ZNF81: variants seen among roughly 807,000 people sequenced by gnomAD.
The protein encoded by ZNF81 is zinc finger protein 81.
In ZNF81, 5 loss-of-function variants were observed where a neutral mutation model predicts 32.3. The observed-to-expected ratio is 0.15, with a 90% CI of 0.08 to 0.33. The LOEUF (loss-of-function observed/expected upper bound fraction) is 0.33, where lower values mean the gene tolerates loss of function less well. Ranked by LOEUF, ZNF81 falls within the 10% of genes least tolerant of loss-of-function variation. The probability of loss-of-function intolerance (pLI) is 1.00; values close to 1 mark genes in which losing one functional copy is unlikely to be tolerated. For missense variants in ZNF81, 379 were observed against 479.8 expected (o/e 0.79, Z 1.96); for synonymous variants, 163 against 166.8 (o/e 0.98, Z 0.17).
intron 4 of ZNF81, among the ~76,000 whole-genome samples, chrX:47,904,587 A>G (rs1243950891): frequency 9.0e-6 from 1 of 111,071 alleles, no homozygotes; most frequent in African/African-American, 3.3e-5. Flanking sequence ...GGATATGGAG[A>G]AATAGGAACA....
chrX:47,863,782 C>CT (rs2058550085), intron 2 of ZNF81, among the ~76,000 whole-genome samples: 1 of 112,016 alleles, frequency 8.9e-6, no homozygotes, highest in African/African-American at 3.2e-5. Flanking sequence ...AACTTATTTG[C>CT]TATGTTGTAG....
rs2058758407 is a variant in ZNF81 at position 47,916,690 on chromosome X, A to G, written c.*58A>G. 2 of 1,087,130 alleles carry G rather than the reference A, an allele frequency of 1.8e-6. No homozygotes were observed. The allele number at this position is 1,087,130 out of a possible 1,213,427, so 89.6% of individuals were successfully genotyped here. A position where few individuals can be genotyped will look rare whatever the true frequency, so the allele number is the denominator to read the frequency against. ...ATAAGGCTGACAAAAGTCAGGTCTA[A>G]CTATATATTATAAAATTCATCCAAG... On this transcript the variant is annotated 3_prime_UTR_variant, in exon 5 of 5. Coordinates refer to ENST00000338637, the MANE Select transcript of ZNF81 (RefSeq NM_007137.5).
rs1556890643 is a variant in ZNF81, at chrX:47,915,720, T to C, written c.1074T>C (p.Tyr358=). 1 of 1,211,102 alleles carries C rather than the reference T, an allele frequency of 8.3e-7. No individual in the cohort carries two copies. ...HEKTHTREKP[Y]KCNECGKSFF... ...AAACTCATACTAGAGAGAAACCCTA[T>C]AAATGCAATGAATGTGGGAAATCAT... Residue 358 remains tyrosine (Y), a synonymous_variant, in exon 5 of 5, where the codon TAT becomes TAC. Coordinates refer to ENST00000338637, the MANE Select transcript of ZNF81 (RefSeq NM_007137.5).
chrX:47,876,914 T>C (rs1277712426), intron 2 of ZNF81, among the ~76,000 whole-genome samples: 2 of 112,239 alleles, frequency 1.8e-5, no homozygotes, highest in African/African-American at 6.5e-5. Context: ...CTCTCTCCTT[T>C]TTGTTGGACC....
rs199990232 is a variant in ZNF81, at chrX:47,915,248, A to T, written c.602A>T (p.His201Leu). Reference protein sequence around the residue: ...KRDSFGKSFKHNLDLHIHNKS... With the variant: ...KRDSFGKSFKLNLDLHIHNKS... ...GATTCATTTGGGAAGAGTTTTAAGC[A>T]TAATTTAGACTTACATATTCATAAT... Residue 201 changes from histidine to leucine, a missense_variant, in exon 5 of 5, where the codon CAT becomes CTT. Physicochemically the swap from His to Leu is moderately conservative, Grantham distance 99. Coordinates refer to ENST00000338637, the MANE Select transcript of ZNF81 (RefSeq NM_007137.5). The T allele has an allele frequency of 7.1e-4, 855 of 1,209,621 alleles. 2 individuals are homozygous for T. The highest frequency in any genetic ancestry group is 9.6e-4 in the Admixed American group (44 of 45,659).
chrX:47,889,756 C>T (rs1556886277), intron 3 of ZNF81, among the ~76,000 whole-genome samples: 2 of 111,469 alleles, frequency 1.8e-5, no homozygotes, highest in African/African-American at 3.3e-5. Context: ...CCAATCATGG[C>T]GGAAGGCAAA....
At position 47,915,248 on chromosome X, in the gene ZNF81, A is replaced by G. The variant is rs199990232; in HGVS notation, c.602A>G (p.His201Arg). ...GATTCATTTGGGAAGAGTTTTAAGC[A>G]TAATTTAGACTTACATATTCATAAT... ...KRDSFGKSFK[H>R]NLDLHIHNKS... is the part of the protein sequence containing the mutation. Residue 201 changes from histidine (H) to arginine (R), a missense_variant, in exon 5 of 5, where the codon CAT becomes CGT. Transcript: ENST00000338637. 1.7e-6 allele frequency: 2 copies of G among 1,211,281 alleles called. No homozygotes were observed. Among genetic ancestry groups the G allele is most frequent in the Non-Finnish European group, 2.2e-6 (2 of 895,163 alleles).
In ZNF81 at chrX:47,923,794, G is replaced by T. The variant is rs1462437088; in HGVS notation, c.*7162G>T. On this transcript the variant is annotated 3_prime_UTR_variant, in exon 5 of 5. Coordinates refer to ENST00000338637, the MANE Select transcript of ZNF81 (RefSeq NM_007137.5). Reference sequence around the variant, plus strand: ...ATTACATGAGATTTGGAAGGTCAAAGGGAAGGAGCAACTATTGCTGTGAAA... The same window carrying T: ...ATTACATGAGATTTGGAAGGTCAAATGGAAGGAGCAACTATTGCTGTGAAA... Among the ~76,000 whole-genome samples, 2 of 112,007 alleles carry T rather than the reference G, an allele frequency of 1.8e-5. No individual in the cohort carries two copies. Among genetic ancestry groups the T allele is most frequent in the Non-Finnish European group, 3.8e-5 (2 of 53,190 alleles).
At chrX:47,904,170 A>C (rs1257469255) in intron 4 of ZNF81, among the ~76,000 whole-genome samples, 4 of 112,249 alleles carry the variant, frequency 3.6e-5, no homozygotes, top group Admixed American at 9.4e-5. Context: ...TCATGTCTAA[A>C]ACACCAAAAG....
intron 2 of ZNF81, among the ~76,000 whole-genome samples, chrX:47,856,828 C>T (rs1201019574): frequency 9.0e-6 from 1 of 111,253 alleles, no homozygotes; most frequent in Admixed American, 9.6e-5. Context: ...CCCAGCTACT[C>T]GGGAGGCTGA....
Position 47,855,515 on chromosome X carries a change from T to C in ZNF81, c.54+9194T>C, listed in dbSNP as rs2058513176. Among the ~76,000 whole-genome samples, 3 of 111,874 alleles carry C rather than the reference T, an allele frequency of 2.7e-5. No homozygotes were observed. In the South Asian group the frequency reaches 1.1e-3, roughly 41 times the overall value. On this transcript the variant is annotated intron_variant, in intron 2 of 4. Transcript: ENST00000338637. Reference sequence around the variant, plus strand: ...TTCCATTGAGCTAATAGTCATAATCTTTATTATTCTAATTCCTCTATATTT... The same window carrying C: ...TTCCATTGAGCTAATAGTCATAATCCTTATTATTCTAATTCCTCTATATTT...
chrX:47,900,289 A>C (rs2058694021), intron 4 of ZNF81, among the ~76,000 whole-genome samples: 1 of 111,398 alleles, frequency 9.0e-6, no homozygotes, highest in Non-Finnish European at 1.9e-5. Context: ...AAAGACTAAA[A>C]ATAGACCCAT....
chrX:47,925,403 G>A lies in ZNF81; in HGVS notation c.*8771G>A, dbSNP rs2058787598. On this transcript the variant is annotated 3_prime_UTR_variant, in exon 5 of 5. Coordinates refer to ENST00000338637, the MANE Select transcript of ZNF81 (RefSeq NM_007137.5). ...CGTTTCCTACAATTTTATACACATG[G>A]AATAATACTATAGGTACTCTTGTTT... 9.0e-6 allele frequency among the ~76,000 whole-genome samples: 1 copy of A among 111,690 alleles called. No individual in the cohort carries two copies. Among genetic ancestry groups the A allele is most frequent in the Non-Finnish European group, 1.9e-5 (1 of 53,060 alleles).
Position 47,924,606 on chromosome X carries a change from T to G in ZNF81, c.*7974T>G, listed in dbSNP as rs2058785922. On this transcript the variant is annotated 3_prime_UTR_variant, in exon 5 of 5. Coordinates refer to ENST00000338637, the MANE Select transcript of ZNF81 (RefSeq NM_007137.5). Reference sequence around the variant, plus strand: ...CCAATCAACATCCATTTCACATCATTATTCTTTTCAGTTTTGTGTGATTGA... The same window carrying G: ...CCAATCAACATCCATTTCACATCATGATTCTTTTCAGTTTTGTGTGATTGA... Among the ~76,000 whole-genome samples the G allele has an allele frequency of 8.9e-6, 1 of 112,195 alleles. No individual in the cohort carries two copies. The highest frequency in any genetic ancestry group is 3.2e-5 in the African/African-American group (1 of 30,892).
intron 2 of ZNF81, among the ~76,000 whole-genome samples, chrX:47,873,828 G>A (rs1273906445): frequency 9.1e-6 from 1 of 110,494 alleles, no homozygotes; most frequent in Non-Finnish European, 1.9e-5. Flanking sequence ...CACCATGCCT[G>A]GCTAATTTTT....
At chrX:47,893,634 T>C (rs1036779015) in intron 3 of ZNF81, among the ~76,000 whole-genome samples, 1 of 109,797 alleles carries the variant, frequency 9.1e-6, no homozygotes, top group Non-Finnish European at 1.9e-5. Context: ...AGCCTTTCCT[T>C]GCATGAGACT....
In ZNF81 at chrX:47,916,901, C is replaced by G. The variant is rs1472674237; in HGVS notation, c.*269C>G. 3 of 299,404 alleles carry G rather than the reference C, an allele frequency of 1.0e-5. No individual in the cohort carries two copies. 24.7% of individuals were successfully genotyped at this position (299,404 alleles called of 1,213,427 possible). A position where few individuals can be genotyped will look rare whatever the true frequency, so the allele number is the denominator to read the frequency against. On this transcript the variant is annotated 3_prime_UTR_variant, in exon 5 of 5. Coordinates refer to ENST00000338637, the MANE Select transcript of ZNF81 (RefSeq NM_007137.5). ...TGTCAGTTTGGTGTGTTAGGAAAAG[C>G]CTTCCTATAGAAAGTATTATAAGTT...
chrX:47,850,926 CACACACACAA>C (rs1556881146), intron 2 of ZNF81, among the ~76,000 whole-genome samples: 509 of 47,951 alleles, frequency 0.011, 5 homozygotes, highest in Middle Eastern at 0.087. Flanking sequence ...CACACACACA[CACACACACAA>C]CCCAACACCC....
intron 2 of ZNF81, among the ~76,000 whole-genome samples, chrX:47,878,922 C>A (rs2058610375): frequency 9.0e-6 from 1 of 111,558 alleles, no homozygotes; most frequent in African/African-American, 3.3e-5. Context: ...AATTCCATTT[C>A]TTTGCCCTTT....
Sources: gnomAD v4.1 joint callset for allele counts (sites outside exome capture counted in the v4.1 genomes callset) on GRCh38, gnomAD v4.1.1 for gene constraint, MANE v1.5 for transcripts, NCBI Gene and HGNC (gene_info 2026-07-23, HGNC 2026-07-21) for gene names.